XCR1: variants seen among roughly 807,000 people sequenced by gnomAD.
The protein encoded by XCR1 is X-C motif chemokine receptor 1.
For missense variants in XCR1, 356 were observed against 424.2 expected (o/e 0.84, Z 1.41); for synonymous variants, 187 against 188.5 (o/e 0.99, Z 0.06).
intron 4 of XCR1, among the ~76,000 whole-genome samples, chr3:46,059,476 C>T (rs1001902636): frequency 1.3e-5 from 2 of 152,140 alleles, no homozygotes; most frequent in Non-Finnish European, 1.5e-5. Context: ...TAGACAGTCT[C>T]AGGGTTCAGT....
intron 3 of XCR1, among the ~76,000 whole-genome samples, chr3:46,072,302 T>G (rs1195946601): frequency 6.6e-6 from 1 of 152,162 alleles, no homozygotes; most frequent in Non-Finnish European, 1.5e-5. Flanking sequence ...GCAGATCGCT[T>G]GAGCCCAGCA....
intron 3 of XCR1, among the ~76,000 whole-genome samples, chr3:46,067,777 A>C (rs1296400524): frequency 6.6e-6 from 1 of 152,130 alleles, no homozygotes; most frequent in Non-Finnish European, 1.5e-5. Flanking sequence ...TGAAAAGTGC[A>C]TAGGGGTGAG....
chr3:46,069,339 C>A (rs1406080452), intron 3 of XCR1, among the ~76,000 whole-genome samples: 1 of 151,954 alleles, frequency 6.6e-6, no homozygotes, highest in East Asian at 1.9e-4. Flanking sequence ...AGTGATAAAC[C>A]TTTAGAAAGA....
intron 5 of XCR1, among the ~76,000 whole-genome samples, chr3:46,052,046 A>AAAAT (rs1341510941): frequency 7.9e-5 from 12 of 152,146 alleles, no homozygotes; most frequent in African/African-American, 2.9e-4. Context: ...AAACAAAAAA[A>AAAAT]AAACTTGAAT....
intron 1 of XCR1, among the ~76,000 whole-genome samples, chr3:46,079,803 T>C (rs1284899391): frequency 1.3e-5 from 2 of 152,172 alleles, no homozygotes; most frequent in African/African-American, 4.8e-5. Context: ...TGTCCAGACT[T>C]ATAAGCCCAG....
In XCR1 at chr3:46,021,023, G is replaced by C; in HGVS notation, c.925C>G (p.Arg309Gly). The change falls in exon 2 of 2, where the codon CGG becomes GGG. Residue 309 changes from arginine to glycine, a missense_variant. Transcript: ENST00000309285. The surrounding 1 kb of genome is among the most constrained non-coding windows in gnomAD (Gnocchi z 4.7). ...KHVLRQFWFC[R>G]LQAPSPASIP... The stretch of plus-strand genomic sequence containing the variant: ...GAGGCTGGGCTGGGTGCCTGCAGCC[G>C]GCAGAACCAGAACTGCCGGAGAACA... 6.2e-7 allele frequency: 1 copy of C among 1,613,500 alleles called. No homozygotes were observed. Among genetic ancestry groups the C allele is most frequent in the South Asian group, 1.1e-5 (1 of 90,968 alleles).
At chr3:46,029,488 G>C (rs1171671174), upstream of XCR1, among the ~76,000 whole-genome samples, 1 of 152,120 alleles carries the variant, frequency 6.6e-6, no homozygotes, top group Non-Finnish European at 1.5e-5. Context: ...TTTTTGACAA[G>C]GGTCAAAAAT....
At chr3:46,030,837 C>T (rs770286878), upstream of XCR1, among the ~76,000 whole-genome samples, 2 of 152,264 alleles carry the variant, frequency 1.3e-5, no homozygotes, top group Non-Finnish European at 2.9e-5. Flanking sequence ...AGGACCTACT[C>T]TCAGGCCTGG....
At chr3:46,035,557 G>A (rs1697414446) in intron 5 of XCR1, among the ~76,000 whole-genome samples, 2 of 152,268 alleles carry the variant, frequency 1.3e-5, no homozygotes, top group South Asian at 2.1e-4. Context: ...GCCCTCCTAA[G>A]CAGCTGCCCA....
intron 5 of XCR1, among the ~76,000 whole-genome samples, chr3:46,036,894 A>G (rs1030118545): frequency 6.6e-6 from 1 of 152,218 alleles, no homozygotes; most frequent in African/African-American, 2.4e-5. Context: ...GAAATAAATA[A>G]TGCATAAGTA....
At chr3:46,034,522 T>C (rs1040778323) in intron 5 of XCR1, among the ~76,000 whole-genome samples, 1 of 152,200 alleles carries the variant, frequency 6.6e-6, no homozygotes, top group Non-Finnish European at 1.5e-5. Context: ...GAGGACATCC[T>C]TGACGTGCTC....
At chr3:46,059,215 CATGAAGA>C (rs1287970197) in intron 4 of XCR1, among the ~76,000 whole-genome samples, 2 of 152,172 alleles carry the variant, frequency 1.3e-5, no homozygotes, top group Admixed American at 1.3e-4. Context: ...CCTATGGCCT[CATGAAGA>C]ATTCCCTGTG....
At chr3:46,049,615 T>C (rs1697701514) in intron 5 of XCR1, among the ~76,000 whole-genome samples, 1 of 126,544 alleles carries the variant, frequency 7.9e-6, no homozygotes, top group African/African-American at 5.8e-5. Context: ...AGCTGTGAGC[T>C]CTAACACCTG....
intron 4 of XCR1, among the ~76,000 whole-genome samples, chr3:46,057,916 CTATCTATCTATCTATCTACG>C (rs1697882954): frequency 6.8e-6 from 1 of 146,334 alleles, no homozygotes; most frequent in Non-Finnish European, 1.5e-5. Context: ...ATCTATCTAT[CTATCTATCTATCTATCTACG>C]CATCCATCTA....
At chr3:46,056,970 G>T (rs964650300) in intron 4 of XCR1, among the ~76,000 whole-genome samples, 36 of 152,202 alleles carry the variant, frequency 2.4e-4, no homozygotes, top group African/African-American at 7.9e-4. Context: ...TCCATCAGTG[G>T]GTGAAAGGAT....
intron 4 of XCR1, among the ~76,000 whole-genome samples, chr3:46,057,314 G>A (rs577382719): frequency 6.6e-6 from 1 of 152,272 alleles, no homozygotes; most frequent in South Asian, 2.1e-4. Context: ...TATAGTGACT[G>A]AAACAGATCA....
chr3:46,083,257 C>T (rs1575447556), intron 1 of XCR1, among the ~76,000 whole-genome samples: 1 of 152,204 alleles, frequency 6.6e-6, no homozygotes, highest in Non-Finnish European at 1.5e-5. Flanking sequence ...AACTGATGTT[C>T]TTAAATTATA....
intron 5 of XCR1, among the ~76,000 whole-genome samples, chr3:46,037,839 A>G (rs774257294): frequency 5.3e-5 from 8 of 152,194 alleles, no homozygotes; most frequent in Non-Finnish European, 8.8e-5. Flanking sequence ...AATTTCACAT[A>G]CATGCTTGCA....
chr3:46,060,485 A>T (rs573027166), intron 4 of XCR1, among the ~76,000 whole-genome samples: 1 of 152,076 alleles, frequency 6.6e-6, no homozygotes, highest in African/African-American at 2.4e-5. Context: ...CCAACACAGC[A>T]CTCCCTTATT....
Sources: gnomAD v4.1 joint callset for allele counts (sites outside exome capture counted in the v4.1 genomes callset) on GRCh38, gnomAD v4.1.1 for gene constraint, Gnocchi (gnomAD v3.1) non-coding constraint, MANE v1.5 for transcripts, NCBI Gene and HGNC (gene_info 2026-07-23, HGNC 2026-07-21) for gene names.